MVP: variants seen among roughly 807,000 people sequenced by gnomAD.
The protein encoded by MVP is lung resistance-related protein.
Under a neutral mutation model 83.5 loss-of-function variants are expected in MVP, and 62 were observed. The ratio of observed to expected loss-of-function variants is 0.74; its 90% CI spans 0.61 to 0.92. MVP has a LOEUF of 0.92. Among genes scored for constraint, MVP ranks in the 40% least tolerant of loss-of-function variants. MVP has a pLI of 0.00. For synonymous variants in MVP, 505 were observed against 504.1 expected (o/e 1.00, Z -0.02); for missense variants, 1,000 against 1,203.4 (o/e 0.83, Z 2.50).
At chr16:29,820,659 T>C (rs1192884158) in intron 1 of MVP, 149 bp downstream of exon 1, 1 of 152,336 alleles carries the variant, frequency 6.6e-6, no homozygotes, top group Non-Finnish European at 1.5e-5. Context: ...GGAAGGAGGA[T>C]GGGTGGTGGC....
At chr16:29,828,283 G>A (rs1280084034) in intron 1 of MVP, among the ~76,000 whole-genome samples, 3 of 152,122 alleles carry the variant, frequency 2.0e-5, no homozygotes, top group Non-Finnish European at 2.9e-5. Flanking sequence ...AAGTGTTCAG[G>A]AGCCACATGT....
rs1481030733 is a variant in MVP at position 29,840,388 on chromosome 16, G to A, written c.1120G>A (p.Val374Met). 6.3e-7 allele frequency: 1 copy of A among 1,595,954 alleles called. No homozygotes were observed. The highest frequency in any genetic ancestry group is 1.1e-5 in the South Asian group (1 of 88,528). Residue 374 changes from valine to methionine, a missense_variant, in exon 8 of 15, where the codon GTG becomes ATG. By Grantham distance (21) the Val-to-Met change is conservative (BLOSUM62 1). Transcript: ENST00000357402. ...EYVPSAKVEV[V>M]EERQAIPLDE... ...TGTGCCATCTGCCAAAGTGGAGGTG[G>A]TGGAGGAGCGCCAGGCCATCCCTCT...
intron 3 of MVP, chr16:29,831,551 C>T (rs1406363156): frequency 3.3e-5 from 15 of 453,840 alleles, no homozygotes; most frequent in Non-Finnish European, 5.8e-5. Flanking sequence ...CTCACTGTAC[C>T]TCCACTCACC....
intron 1 of MVP, among the ~76,000 whole-genome samples, chr16:29,825,318 G>T (rs562317495): frequency 6.6e-6 from 1 of 152,326 alleles, no homozygotes; most frequent in East Asian, 1.9e-4. Flanking sequence ...CAAGCCTGAG[G>T]GCTGGGCAGA....
In MVP at chr16:29,841,676, G is replaced by A. The variant is rs750519418; in HGVS notation, c.1272G>A (p.Glu424=). 2 of 1,611,816 alleles carry A rather than the reference G, an allele frequency of 1.2e-6. No individual in the cohort carries two copies. The highest frequency in any genetic ancestry group is 2.2e-5 in the South Asian group (2 of 90,618). Residue 424 remains glutamate, a synonymous_variant, in exon 9 of 15, where the codon GAG becomes GAA. Transcript: ENST00000357402. This position sits in a 1 kb window ranked among gnomAD's most constrained non-coding sequence, Gnocchi z 4.7. ...AGAAAGAGCTGCCTCCCGGGGTGGA[G>A]GAGCTGCTGAACAAGGGGCAGGACC... ...LWEKELPPGV[E]ELLNKGQDPL...
intron 1 of MVP, among the ~76,000 whole-genome samples, chr16:29,821,556 C>T (rs1188379376): frequency 6.6e-6 from 1 of 152,160 alleles, no homozygotes; most frequent in African/African-American, 2.4e-5. Context: ...GCCATTAGCA[C>T]CATCTGGGCA....
At position 29,848,007 on chromosome 16, in the gene MVP, G is replaced by A. The variant is rs1169660253; in HGVS notation, c.*18G>A. Reference sequence around the variant, plus strand: ...TGCGCTAACTCCTGATTAATACAATGGAAGTTTCTGGGCATTTACAATTTC... The same window carrying A: ...TGCGCTAACTCCTGATTAATACAATAGAAGTTTCTGGGCATTTACAATTTC... On this transcript the variant is annotated 3_prime_UTR_variant, in exon 15 of 15. Transcript: ENST00000357402. 1.3e-6 allele frequency: 2 copies of A among 1,599,792 alleles called. No homozygotes were observed. Among genetic ancestry groups the A allele is most frequent in the Non-Finnish European group, 1.7e-6 (2 of 1,173,592 alleles).
At position 29,845,730 on chromosome 16, in the gene MVP, G is replaced by C. The variant is rs112944266; in HGVS notation, c.2022-133G>C. 6.6e-4 allele frequency: 446 copies of C among 670,932 alleles called. 5 individuals carry two copies. In the African/African-American group the frequency reaches 7.2e-3, roughly 11 times the overall value. 41.6% of individuals were successfully genotyped at this position (670,932 alleles called of 1,614,324 possible). Reference sequence around the variant, plus strand: ...TGGCGCGTATACCATTCTGGGTTGAGTTGCGTATTGGGTGCCTTCTAGGGG... The same window carrying C: ...TGGCGCGTATACCATTCTGGGTTGACTTGCGTATTGGGTGCCTTCTAGGGG... On this transcript the variant is annotated intron_variant, in intron 11 of 14. Transcript: ENST00000357402.
At chr16:29,833,468 C>CTTTTT (rs34663728) in intron 3 of MVP, 30 of 128,934 alleles carry the variant, frequency 2.3e-4, no homozygotes, top group South Asian at 5.4e-4. Flanking sequence ...CCTGGCTACA[C>CTTTTT]TTTTTTTTTT....
Position 29,841,468 on chromosome 16 carries a change from C to A in MVP, c.1192-128C>A, listed in dbSNP as rs2067533877. 8.7e-6 allele frequency: 11 copies of A among 1,271,522 alleles called. No homozygotes were observed. Among genetic ancestry groups the A allele is most frequent in the Admixed American group, 2.9e-5 (1 of 34,928 alleles). The allele number at this position is 1,271,522 out of a possible 1,614,324, so 78.8% of individuals were successfully genotyped here. ...TGGCAAACCCGGGGTGGAGCCTGGC[C>A]TCCCCGTAGAGAAGGTGTTTAACCT... On this transcript the variant is annotated intron_variant, in intron 8 of 14. Coordinates refer to ENST00000357402, the MANE Select transcript of MVP (RefSeq NM_005115.5). The surrounding 1 kb of genome is among the most constrained non-coding windows in gnomAD (Gnocchi z 4.7).
rs1025127787 is a variant in MVP, at chr16:29,841,501, C to T, written c.1192-95C>T. 3.3e-5 allele frequency: 48 copies of T among 1,460,372 alleles called. No individual in the cohort carries two copies. The highest frequency in any genetic ancestry group is 2.6e-4 in the Middle Eastern group (1 of 3,892). 90.5% of individuals were successfully genotyped at this position (1,460,372 alleles called of 1,614,324 possible). A position where few individuals can be genotyped will look rare whatever the true frequency, so the allele number is the denominator to read the frequency against. On this transcript the variant is annotated intron_variant, in intron 8 of 14. Transcript: ENST00000357402. This position sits in a 1 kb window ranked among gnomAD's most constrained non-coding sequence, Gnocchi z 4.7. ...AGAGAAGGTGTTTAACCTCGTGGCG[C>T]GCCTTCCCTGGATGGGCTCTGCTTT...
At position 29,845,949 on chromosome 16, in the gene MVP, G is replaced by A. The variant is rs752641335; in HGVS notation, c.2108G>A (p.Arg703His). 6.2e-6 allele frequency: 10 copies of A among 1,614,144 alleles called. No individual in the cohort carries two copies. The highest frequency in any genetic ancestry group is 3.3e-4 in the Middle Eastern group (2 of 6,084). The change falls in exon 12 of 15, where the codon CGC becomes CAC. Residue 703 changes from arginine (R) to histidine (H), a missense_variant. Transcript: ENST00000357402. Reference protein sequence around the residue: ...ILDQSEAEKARKELLELEALS... With the variant: ...ILDQSEAEKAHKELLELEALS... ...GACCAGTCAGAAGCCGAGAAAGCTCGCAAGGAACTTTTGGAGCTGGAGGCT... is the reference window on the plus strand; with the variant it reads ...GACCAGTCAGAAGCCGAGAAAGCTCACAAGGAACTTTTGGAGCTGGAGGCT...
intron 1 of MVP, among the ~76,000 whole-genome samples, chr16:29,821,957 G>A (rs1192408051): frequency 1.3e-5 from 2 of 152,178 alleles, no homozygotes; most frequent in African/African-American, 4.8e-5. Flanking sequence ...TGGATGCGGT[G>A]GCTCAGGCCT....
chr16:29,833,588 G>A, intron 3 of MVP, 145 bp from the exon 4 acceptor site: 2 of 1,058,808 alleles, frequency 1.9e-6, no homozygotes, highest in South Asian at 3.1e-5. Flanking sequence ...GGGATGACAG[G>A]TGTGAGCCAC....
At chr16:29,826,243 A>G (rs753988698) in intron 1 of MVP, among the ~76,000 whole-genome samples, 39 of 152,200 alleles carry the variant, frequency 2.6e-4, no homozygotes, top group Non-Finnish European at 5.1e-4. Flanking sequence ...CTTGGTTGAT[A>G]ATGTTATCCA....
At chr16:29,831,459 C>T (rs76276692) in intron 3 of MVP, among the ~76,000 whole-genome samples, 25 of 151,904 alleles carry the variant, frequency 1.6e-4, no homozygotes, top group East Asian at 1.2e-3. Context: ...CGGCCTGTAC[C>T]GAGTTCTAAA....
chr16:29,831,118 C>A, intron 3 of MVP, 45 bp downstream of exon 3: 1 of 1,567,692 alleles, frequency 6.4e-7, no homozygotes, highest in Non-Finnish European at 8.7e-7. Context: ...ACCTGTCCTC[C>A]ACCTGCCTTG....
chr16:29,846,254 G>C lies in MVP; in HGVS notation c.2235G>C (p.Lys745Asn). Reference sequence around the variant, plus strand: ...GAGAAGGGTCCGTGCTGCAGGCCAAGCTAAAAGCACAGGCCTTGGCCATTG... The same window carrying C: ...GAGAAGGGTCCGTGCTGCAGGCCAACCTAAAAGCACAGGCCTTGGCCATTG... The part of the protein sequence containing the change: ...IEGEGSVLQA[K>N]LKAQALAIET... The change falls in exon 13 of 15, where the codon AAG becomes AAC. Residue 745 changes from lysine (K) to asparagine (N), a missense_variant. Physicochemically the swap from Lys to Asn is moderately conservative, Grantham distance 94. Transcript: ENST00000357402. 6 of 1,574,584 alleles carry C rather than the reference G, an allele frequency of 3.8e-6. No homozygotes were observed. The highest frequency in any genetic ancestry group is 5.2e-6 in the Non-Finnish European group (6 of 1,159,364).
rs1181615527 is a variant in MVP at position 29,833,733 on chromosome 16, G to T, written c.322G>T (p.Asp108Tyr). 2 of 1,613,934 alleles carry T rather than the reference G, an allele frequency of 1.2e-6. No individual in the cohort carries two copies. The change falls in exon 4 of 15, where the codon GAC (aspartate) becomes TAC (tyrosine). Residue 108 changes from aspartate to tyrosine, a missense_variant and splice_region_variant. Physicochemically the swap from Asp to Tyr is radical, Grantham distance 160. Coordinates refer to ENST00000357402, the MANE Select transcript of MVP (RefSeq NM_005115.5). ...PLYPGEVLEK[D>Y]ITPLQVVLPN... ...GTGTCTCCACCTTCTTCCCCACTAG[G>T]ACATCACACCCCTGCAGGTGGTTCT...
Sources: gnomAD v4.1 joint callset for allele counts (sites outside exome capture counted in the v4.1 genomes callset) on GRCh38, gnomAD v4.1.1 for gene constraint, Gnocchi (gnomAD v3.1) non-coding constraint, MANE v1.5 for transcripts, NCBI Gene and HGNC (gene_info 2026-07-23, HGNC 2026-07-21) for gene names.